Variants in LMNB1 observed in about 807,000 individuals in gnomAD.
LMNB1 encodes the protein lamin-B1.
A neutral mutation model predicts 67.1 loss-of-function variants in LMNB1; 23 were observed. That is an observed-to-expected ratio of 0.34 (90% CI 0.25 to 0.49). The LOEUF (loss-of-function observed/expected upper bound fraction) is 0.49, where lower values mean the gene tolerates loss of function less well. Among genes scored for constraint, LMNB1 ranks in the 20% least tolerant of loss-of-function variants. LMNB1 has a pLI of 0.99. For missense variants in LMNB1, 634 were observed against 746.5 expected, an observed-to-expected ratio of 0.85 and a Z score of 1.76; for synonymous variants, 281 against 282.9, an observed-to-expected ratio of 0.99 and a Z score of 0.07.
chr5:126,781,037 A>G (rs1750621789), intron 1 of LMNB1, among the ~76,000 whole-genome samples: 1 of 152,152 alleles, frequency 6.6e-6, no homozygotes, highest in Admixed American at 6.5e-5. Flanking sequence ...TCACACCTGT[A>G]AAGCACTTTG....
chr5:126,804,989 T>C, intron 2 of LMNB1, 57 bp downstream of exon 2: 1 of 1,395,326 alleles, frequency 7.2e-7, no homozygotes, highest in African/African-American at 1.5e-5. Flanking sequence ...TCATCTGCCT[T>C]AAGCCATAGT....
intron 5 of LMNB1, among the ~76,000 whole-genome samples, chr5:126,814,926 G>A (rs1751672163): frequency 6.6e-6 from 1 of 152,182 alleles, no homozygotes; most frequent in Non-Finnish European, 1.5e-5. Flanking sequence ...ATGTTAGGCA[G>A]TGCACTGGGG....
At chr5:126,821,621 C>T (rs928162429) in intron 7 of LMNB1, among the ~76,000 whole-genome samples, 2 of 152,130 alleles carry the variant, frequency 1.3e-5, no homozygotes, top group South Asian at 4.1e-4. Flanking sequence ...TGAAAAATAG[C>T]ATGAAGCCTT....
chr5:126,836,480 GA>G lies in LMNB1; in HGVS notation c.*218del. On this transcript the variant is annotated 3_prime_UTR_variant, in exon 11 of 11. Coordinates refer to ENST00000261366, the MANE Select transcript of LMNB1 (RefSeq NM_005573.4). ...TTGCAAGATGTGAATTATTGACACT[GA>G]ACTTAATAACTGTGTACTGTTCGGA... 2.1e-6 allele frequency: 1 copy of G among 482,084 alleles called. No individual in the cohort carries two copies. Among genetic ancestry groups the G allele is most frequent in the Non-Finnish European group, 3.7e-6 (1 of 273,344 alleles). The allele number at this position is 482,084 out of a possible 1,614,324, so 29.9% of individuals were successfully genotyped here. A position where few individuals can be genotyped will look rare whatever the true frequency, so the allele number is the denominator to read the frequency against.
At chr5:126,786,399 G>A (rs2973890) in intron 1 of LMNB1, among the ~76,000 whole-genome samples, 42,447 of 151,964 alleles carry the variant, frequency 0.28, 6,352 homozygotes, top group South Asian at 0.39. Flanking sequence ...GGGATTACAG[G>A]CGTGAGCCAC....
At chr5:126,832,983 G>T (rs1354598001) in intron 10 of LMNB1, among the ~76,000 whole-genome samples, 182 bp downstream of exon 10, 2 of 152,186 alleles carry the variant, frequency 1.3e-5, no homozygotes, top group Non-Finnish European at 2.9e-5. Context: ...GGAAGAATAT[G>T]TTGGCACTTT....
At chr5:126,778,719 G>A (rs1260763273) in intron 1 of LMNB1, among the ~76,000 whole-genome samples, 3 of 152,082 alleles carry the variant, frequency 2.0e-5, no homozygotes, top group African/African-American at 7.2e-5. Context: ...TCTGTCCCCA[G>A]CTTTTGCCTC....
chr5:126,792,825 C>T (rs1229267843), intron 1 of LMNB1, among the ~76,000 whole-genome samples: 3 of 151,876 alleles, frequency 2.0e-5, no homozygotes, highest in African/African-American at 7.3e-5. Context: ...ATCCACCCGC[C>T]TCGGCCTCCC....
chr5:126,818,860 A>T, intron 5 of LMNB1, 62 bp from the exon 6 acceptor site: 11 of 1,133,554 alleles, frequency 9.7e-6, no homozygotes, highest in Non-Finnish European at 1.5e-5. Context: ...GATTTAAAAT[A>T]GCTGCCTGGT....
chr5:126,778,320 G>A (rs1389633647), intron 1 of LMNB1, among the ~76,000 whole-genome samples: 2 of 152,152 alleles, frequency 1.3e-5, no homozygotes, highest in Non-Finnish European at 2.9e-5. Context: ...CGGGATGGGC[G>A]GCCGGGGAGG....
In LMNB1 at chr5:126,815,392, A is replaced by AT. The variant is rs377084856; in HGVS notation, c.939+3499dup. On this transcript the variant is annotated intron_variant, in intron 5 of 10. Coordinates refer to ENST00000261366, the MANE Select transcript of LMNB1 (RefSeq NM_005573.4). ...TTTACATTGCTTATAGCATCTCTAG[A>AT]TTTTTGACTTGGGACCAAATGAATT... The AT allele has an allele frequency of 1.3e-3, 196 of 152,270 alleles. 2 individuals are homozygous for AT. Among genetic ancestry groups the AT allele is most frequent in the African/African-American group, 4.5e-3 (189 of 41,556 alleles). The allele number at this position is 152,270 out of a possible 1,614,324, so 9.4% of individuals were successfully genotyped here.
intron 1 of LMNB1, among the ~76,000 whole-genome samples, chr5:126,790,500 G>A (rs558186318): frequency 1.2e-4 from 19 of 152,188 alleles, no homozygotes; most frequent in Admixed American, 5.9e-4. Context: ...GCAGAACTCA[G>A]TAATATACTG....
At chr5:126,800,669 T>TGA (rs1751249566) in intron 1 of LMNB1, among the ~76,000 whole-genome samples, 1 of 70,742 alleles carries the variant, frequency 1.4e-5, no homozygotes, top group African/African-American at 4.8e-5. Context: ...TTTTTTTTTT[T>TGA]GAGACGGAGT....
At chr5:126,822,734 T>C in intron 7 of LMNB1, 47 bp from the exon 8 acceptor site, 1 of 1,154,410 alleles carries the variant, frequency 8.7e-7, no homozygotes, top group East Asian at 2.4e-5. Flanking sequence ...TTCCACAACT[T>C]TCTTTATCTT....
intron 1 of LMNB1, among the ~76,000 whole-genome samples, chr5:126,802,983 G>A (rs1179508045): frequency 2.0e-5 from 3 of 151,724 alleles, no homozygotes; most frequent in African/African-American, 7.3e-5. Flanking sequence ...CCAGGTGTTC[G>A]AGACCAGCCT....
intron 5 of LMNB1, among the ~76,000 whole-genome samples, chr5:126,812,718 CTTTTTTTTTTT>C (rs11430160): frequency 8.5e-6 from 1 of 117,156 alleles, no homozygotes; most frequent in Non-Finnish European, 1.7e-5. Flanking sequence ...CTTTATTTTA[CTTTTTTTTTTT>C]TTTTTTTTTT....
chr5:126,817,951 A>T (rs972639040), intron 5 of LMNB1, among the ~76,000 whole-genome samples: 9 of 152,208 alleles, frequency 5.9e-5, no homozygotes, highest in African/African-American at 2.2e-4. Context: ...GCGAGCCACA[A>T]GGTTTCTAAG....
chr5:126,821,024 G>A lies in LMNB1; in HGVS notation c.1275G>A (p.Glu425=). The change falls in exon 7 of 11, where the codon GAG becomes GAA. Residue 425 remains glutamate (E), a synonymous_variant. Transcript: ENST00000261366. The part of the protein sequence containing the change: ...KRKRVDVEES[E]ASSSVSISHS... ...AGAGGGTTGATGTGGAAGAATCAGAGGCGAGTAGTAGTGTTAGCATCTCTC... is the reference window on the plus strand; with the variant it reads ...AGAGGGTTGATGTGGAAGAATCAGAAGCGAGTAGTAGTGTTAGCATCTCTC... 6.2e-7 allele frequency: 1 copy of A among 1,614,034 alleles called. No homozygotes were observed. Among genetic ancestry groups the A allele is most frequent in the South Asian group, 1.1e-5 (1 of 91,080 alleles).
chr5:126,827,841 C>T (rs950277915), intron 9 of LMNB1, among the ~76,000 whole-genome samples: 5 of 152,142 alleles, frequency 3.3e-5, no homozygotes, highest in African/African-American at 7.2e-5. Flanking sequence ...GAGTGGTCAG[C>T]GGGTCAAATC....
Sources: gnomAD v4.1 joint callset for allele counts (sites outside exome capture counted in the v4.1 genomes callset) on GRCh38, gnomAD v4.1.1 for gene constraint, MANE v1.5 for transcripts, NCBI Gene and HGNC (gene_info 2026-07-23, HGNC 2026-07-21) for gene names.